The following ADGRB3 variants were observed in gnomAD, a reference collection of about 807,000 sequenced individuals.
ADGRB3 encodes the protein brain-specific angiogenesis inhibitor 3.
In ADGRB3, 37 loss-of-function variants were observed where a neutral mutation model predicts 193.4. The observed-to-expected ratio is 0.19, with a 90% CI of 0.15 to 0.25. The LOEUF (loss-of-function observed/expected upper bound fraction) is 0.25, where lower values mean the gene tolerates loss of function less well. Ranked by LOEUF, ADGRB3 falls within the 10% of genes least tolerant of loss-of-function variation. The probability of loss-of-function intolerance (pLI) is 1.00; values close to 1 mark genes in which losing one functional copy is unlikely to be tolerated. For missense variants in ADGRB3, 1,637 were observed against 1,852.9 expected, an observed-to-expected ratio of 0.88 and a Z score of 2.14; for synonymous variants, 690 against 644.2, an observed-to-expected ratio of 1.07 and a Z score of -1.08.
chr6:68,835,633 G>A (rs1298352673), intron 3 of ADGRB3, among the ~76,000 whole-genome samples: 1 of 151,712 alleles, frequency 6.6e-6, no homozygotes, highest in Non-Finnish European at 1.5e-5. Flanking sequence ...TCCTTTTGGA[G>A]CCCTTACATG....
chr6:68,875,875 A>C (rs1765581739), intron 3 of ADGRB3, among the ~76,000 whole-genome samples: 1 of 151,936 alleles, frequency 6.6e-6, no homozygotes, highest in South Asian at 2.1e-4. Flanking sequence ...AAGCCTATTA[A>C]TGTATACCAT....
intron 30 of ADGRB3, among the ~76,000 whole-genome samples, chr6:69,377,559 A>G (rs1012419211): frequency 1.3e-5 from 2 of 152,082 alleles, no homozygotes; most frequent in Non-Finnish European, 2.9e-5. Flanking sequence ...GATATGGGCA[A>G]CGGCATTGTA....
intron 3 of ADGRB3, among the ~76,000 whole-genome samples, chr6:68,918,926 C>T (rs953833379): frequency 4.6e-5 from 7 of 152,068 alleles, no homozygotes; most frequent in Non-Finnish European, 1.0e-4. Flanking sequence ...CTAAATATCA[C>T]TATTATTAAT....
chr6:69,234,419 T>C (rs1379644114), intron 18 of ADGRB3, among the ~76,000 whole-genome samples: 1 of 148,194 alleles, frequency 6.7e-6, no homozygotes, highest in Non-Finnish European at 1.5e-5. Context: ...ATTTTGTTCA[T>C]TGAAAAAAAA....
At chr6:68,736,516 G>A (rs1222045403) in intron 3 of ADGRB3, among the ~76,000 whole-genome samples, 1 of 152,062 alleles carries the variant, frequency 6.6e-6, no homozygotes, top group Non-Finnish European at 1.5e-5. Context: ...ACTGTTCTGT[G>A]TAAGATTTCA....
intron 27 of ADGRB3, among the ~76,000 whole-genome samples, chr6:69,355,535 T>C (rs1370129238): frequency 6.6e-6 from 1 of 152,234 alleles, no homozygotes; most frequent in Non-Finnish European, 1.5e-5. Context: ...TAAAATTCTA[T>C]CCTTCTAATA....
chr6:69,026,916 A>G (rs1431421588), intron 13 of ADGRB3, among the ~76,000 whole-genome samples: 1 of 152,218 alleles, frequency 6.6e-6, no homozygotes, highest in Non-Finnish European at 1.5e-5. Context: ...TGCATGAGTC[A>G]GTGAGTGAGT....
At chr6:69,300,589 T>C (rs562566642) in intron 20 of ADGRB3, among the ~76,000 whole-genome samples, 1 of 151,866 alleles carries the variant, frequency 6.6e-6, no homozygotes, top group East Asian at 1.9e-4. Context: ...TCCAAGAAAC[T>C]ATTAGAACTG....
At chr6:68,816,343 G>A (rs987336073) in intron 3 of ADGRB3, among the ~76,000 whole-genome samples, 6 of 138,508 alleles carry the variant, frequency 4.3e-5, no homozygotes, top group Admixed American at 2.8e-4. Flanking sequence ...ACTGTTAAAT[G>A]TAGAGTTATT....
intron 17 of ADGRB3, among the ~76,000 whole-genome samples, chr6:69,196,515 A>G (rs1765299990): frequency 6.6e-6 from 1 of 152,132 alleles, no homozygotes; most frequent in Non-Finnish European, 1.5e-5. Flanking sequence ...ATCTTTACAT[A>G]GCCTTTTCTC....
At chr6:69,383,443 C>A (rs1769993796) in intron 31 of ADGRB3, among the ~76,000 whole-genome samples, 1 of 151,960 alleles carries the variant, frequency 6.6e-6, no homozygotes, top group African/African-American at 2.4e-5. Flanking sequence ...CCATTCTCTT[C>A]TCATTCATTT....
chr6:69,376,409 T>C (rs1321046580), intron 30 of ADGRB3, among the ~76,000 whole-genome samples: 1 of 151,966 alleles, frequency 6.6e-6, no homozygotes, highest in African/African-American at 2.4e-5. Flanking sequence ...ATGTAGCCTT[T>C]TAAAAACATT....
chr6:69,355,580 G>T (rs921804491), intron 27 of ADGRB3, among the ~76,000 whole-genome samples: 12 of 152,110 alleles, frequency 7.9e-5, no homozygotes, highest in African/African-American at 2.7e-4. Context: ...AGATGACACT[G>T]GGTATTGTAT....
intron 11 of ADGRB3, among the ~76,000 whole-genome samples, chr6:68,994,356 A>C (rs1051311149): frequency 2.6e-5 from 4 of 152,350 alleles, no homozygotes; most frequent in African/African-American, 9.6e-5. Flanking sequence ...ATGCAAAAAA[A>C]CATAGTTTAA....
chr6:69,131,583 A>G (rs955888793), intron 17 of ADGRB3, among the ~76,000 whole-genome samples: 3 of 152,020 alleles, frequency 2.0e-5, no homozygotes, highest in African/African-American at 7.2e-5. Context: ...AAAATGAGCT[A>G]TTTATTTAAA....
At chr6:69,131,529 G>T (rs1044342393) in intron 17 of ADGRB3, among the ~76,000 whole-genome samples, 21 of 152,126 alleles carry the variant, frequency 1.4e-4, no homozygotes, top group African/African-American at 4.8e-4. Flanking sequence ...ACAGTTTCAA[G>T]TGGCAAATAC....
intron 20 of ADGRB3, among the ~76,000 whole-genome samples, chr6:69,283,824 A>G (rs570759768): frequency 6.6e-6 from 1 of 152,306 alleles, no homozygotes; most frequent in Admixed American, 6.5e-5. Context: ...CGGCATTAGC[A>G]TTTTGAACTG....
At chr6:68,918,056 T>C (rs1334428595) in intron 3 of ADGRB3, among the ~76,000 whole-genome samples, 1 of 152,162 alleles carries the variant, frequency 6.6e-6, no homozygotes, top group South Asian at 2.1e-4. Context: ...CATAGAGGGA[T>C]TTTAATTACT....
intron 17 of ADGRB3, among the ~76,000 whole-genome samples, chr6:69,121,312 C>T (rs892073199): frequency 5.9e-5 from 9 of 152,080 alleles, no homozygotes; most frequent in South Asian, 2.1e-4. Flanking sequence ...TCAGAGAGCA[C>T]GGGGTTGGGG....
Sources: allele counts gnomAD v4.1 joint callset (sites outside exome capture counted in the v4.1 genomes callset), GRCh38; gene constraint gnomAD v4.1.1; transcripts MANE v1.5; gene names NCBI Gene and HGNC (gene_info 2026-07-23, HGNC 2026-07-21).